Variants in CTTNBP2NL observed in about 807,000 individuals in gnomAD.
CTTNBP2NL encodes CTTNBP2 N-terminal-like protein.
In CTTNBP2NL, 16 loss-of-function variants were observed where a neutral mutation model predicts 32.5. The observed-to-expected ratio is 0.49, with a 90% CI of 0.33 to 0.75. The LOEUF is 0.75. Among genes scored for constraint, CTTNBP2NL ranks in the 30% least tolerant of loss-of-function variants. CTTNBP2NL has a pLI of 0.02. For synonymous variants in CTTNBP2NL, 298 were observed against 289.4 expected (o/e 1.03, Z -0.30); for missense variants, 645 against 756.0 (o/e 0.85, Z 1.72).
chr1:112,456,360 T>C lies in CTTNBP2NL; in HGVS notation c.868T>C (p.Leu290=), dbSNP rs772857096. 4 of 1,613,816 alleles carry C rather than the reference T, an allele frequency of 2.5e-6. No individual in the cohort carries two copies. Among genetic ancestry groups the C allele is most frequent in the South Asian group, 1.1e-5 (1 of 91,078 alleles). ...CCAGCACAGTAGCCCTAATGAGCAA[T>C]TGAAGAAACCAGTAACCGTGTCCAA... ...SHQHSSPNEQ[L]KKPVTVSKGT... The change falls in exon 6 of 6, where the codon TTG becomes CTG. Residue 290 remains leucine, a synonymous_variant. Coordinates refer to ENST00000271277, the MANE Select transcript of CTTNBP2NL (RefSeq NM_018704.3).
chr1:112,427,822 G>A (rs1350641172), intron 3 of CTTNBP2NL, among the ~76,000 whole-genome samples: 2 of 151,576 alleles, frequency 1.3e-5, no homozygotes. Context: ...CTTGAACCCA[G>A]GAGGCAGAGG....
At chr1:112,409,068 C>T (rs538418557) in intron 1 of CTTNBP2NL, among the ~76,000 whole-genome samples, 2 of 144,312 alleles carry the variant, frequency 1.4e-5, no homozygotes, top group Non-Finnish European at 3.0e-5. Flanking sequence ...GCAGAGGTTG[C>T]AGTGAGCCAA....
intron 4 of CTTNBP2NL, among the ~76,000 whole-genome samples, chr1:112,453,516 C>A (rs1040254407): frequency 1.3e-5 from 2 of 152,076 alleles, no homozygotes; most frequent in Non-Finnish European, 2.9e-5. Context: ...TTTTGGGAGG[C>A]TGAGGCGGGT....
At chr1:112,451,259 C>T (rs558751794) in intron 4 of CTTNBP2NL, among the ~76,000 whole-genome samples, 24 of 151,228 alleles carry the variant, frequency 1.6e-4, no homozygotes, top group Admixed American at 7.2e-4. Context: ...TCTTACACCC[C>T]GCCTCCCTTT....
intron 3 of CTTNBP2NL, among the ~76,000 whole-genome samples, chr1:112,425,258 G>A (rs1166162821): frequency 6.6e-6 from 1 of 152,010 alleles, no homozygotes; most frequent in Non-Finnish European, 1.5e-5. Context: ...ATCACCTGAG[G>A]TCAGGAGTTC....
chr1:112,393,324 A>C (rs1042362736), upstream of CTTNBP2NL, among the ~76,000 whole-genome samples: 3 of 152,298 alleles, frequency 2.0e-5, no homozygotes, highest in East Asian at 5.8e-4. Flanking sequence ...CTGCCTCCCC[A>C]AACCAGCAAT....
chr1:112,430,622 C>T (rs1200323550), intron 3 of CTTNBP2NL, among the ~76,000 whole-genome samples: 4 of 142,186 alleles, frequency 2.8e-5, no homozygotes, highest in Admixed American at 7.5e-5. Flanking sequence ...GACGTGATCT[C>T]GGCTCACTGC....
intron 3 of CTTNBP2NL, among the ~76,000 whole-genome samples, chr1:112,419,926 A>G (rs2780276): frequency 0.025 from 3,748 of 152,306 alleles, 124 homozygotes; most frequent in African/African-American, 0.08. Flanking sequence ...GATCATTGAT[A>G]AAGATCACAT....
At chr1:112,410,163 C>T (rs530135796) in intron 1 of CTTNBP2NL, among the ~76,000 whole-genome samples, 25 of 152,084 alleles carry the variant, frequency 1.6e-4, no homozygotes, top group Admixed American at 5.9e-4. Context: ...GAGGCCAAGG[C>T]GGGGGGATCA....
Position 112,425,439 on chromosome 1 carries a change from C to T in CTTNBP2NL, c.99+9175C>T, listed in dbSNP as rs185093792. Among the ~76,000 whole-genome samples, 949 of 152,240 alleles carry T rather than the reference C, an allele frequency of 6.2e-3. 6 individuals are homozygous for T. Among genetic ancestry groups the T allele is most frequent in the African/African-American group, 0.022 (908 of 41,544 alleles). On this transcript the variant is annotated intron_variant, in intron 3 of 5. Coordinates refer to ENST00000271277, the MANE Select transcript of CTTNBP2NL (RefSeq NM_018704.3). The stretch of plus-strand genomic sequence containing the variant: ...TGAGCTGAGATCGCGCCACCGCACT[C>T]CAACCTGGGCAGCAGAGCAAGACTC...
At chr1:112,449,223 A>T (rs1423660411) in intron 4 of CTTNBP2NL, 51 bp downstream of exon 4, 1 of 1,077,426 alleles carries the variant, frequency 9.3e-7, no homozygotes, top group Non-Finnish European at 1.4e-6. Context: ...TTTATAAATT[A>T]TGCCTGATAC....
At chr1:112,409,292 G>A (rs895725635) in intron 1 of CTTNBP2NL, among the ~76,000 whole-genome samples, 10 of 152,114 alleles carry the variant, frequency 6.6e-5, no homozygotes, top group African/African-American at 2.2e-4. Context: ...AAATTTGATA[G>A]CTGAGTATAA....
chr1:112,416,171 T>C lies in CTTNBP2NL; in HGVS notation c.6T>C (p.Asn2=). ...CTTTGTTTCAGGCTTTCAAGATGAA[T>C]CTGGAAAAACTCAGCAAGCCTGAAC... The part of the protein sequence containing the change: M[N]LEKLSKPELL... Residue 2 remains asparagine, a synonymous_variant, in exon 3 of 6, where the codon AAT becomes AAC. Transcript: ENST00000271277. The C allele has an allele frequency of 1.9e-6, 3 of 1,585,854 alleles. No individual in the cohort carries two copies. Among genetic ancestry groups the C allele is most frequent in the Non-Finnish European group, 2.6e-6 (3 of 1,160,664 alleles).
In CTTNBP2NL at chr1:112,448,849, C is replaced by T. The variant is rs76034088; in HGVS notation, c.100-93C>T. 5.6e-6 allele frequency: 4 copies of T among 709,010 alleles called. No individual in the cohort carries two copies. In the East Asian group the frequency reaches 1.0e-4, roughly 18 times the overall value. 43.9% of individuals were successfully genotyped at this position (709,010 alleles called of 1,614,324 possible). ...TTAGTAGGTTACATTTATACTAATA[C>T]CACAACCTTTAATGTATAACCACTG... is the stretch of plus-strand genomic sequence containing the variant. On this transcript the variant is annotated intron_variant, in intron 3 of 5. Transcript: ENST00000271277.
intron 1 of CTTNBP2NL, among the ~76,000 whole-genome samples, chr1:112,407,832 TTTTC>T (rs1648714627): frequency 7.1e-6 from 1 of 141,478 alleles, no homozygotes; most frequent in African/African-American, 2.6e-5. Context: ...CGGCTTTCTT[TTTTC>T]TTTCTTTTTT....
intron 3 of CTTNBP2NL, among the ~76,000 whole-genome samples, chr1:112,444,506 G>T (rs986319732): frequency 1.9e-4 from 29 of 152,154 alleles, no homozygotes; most frequent in African/African-American, 7.0e-4. Flanking sequence ...GTGTGCTCTG[G>T]CTGCTGTGAT....
At position 112,446,066 on chromosome 1, in the gene CTTNBP2NL, C is replaced by T. The variant is rs186794329; in HGVS notation, c.100-2876C>T. Among the ~76,000 whole-genome samples, 400 of 152,286 alleles carry T rather than the reference C, an allele frequency of 2.6e-3. 1 individual carries two copies. The highest frequency in any genetic ancestry group is 3.6e-3 in the Non-Finnish European group (247 of 68,030). ...TATTCCTTTACCATCACTAACCATA[C>T]TGAAATGGCTATCATGAATAAGAAA... On this transcript the variant is annotated intron_variant, in intron 3 of 5. Transcript: ENST00000271277.
chr1:112,430,054 A>G (rs1307646951), intron 3 of CTTNBP2NL, among the ~76,000 whole-genome samples: 5 of 152,190 alleles, frequency 3.3e-5, no homozygotes, highest in Admixed American at 3.3e-4. Context: ...CATATGTGTT[A>G]GTTGTTCATA....
intron 2 of CTTNBP2NL, chr1:112,415,952 A>C: frequency 2.1e-6 from 1 of 475,366 alleles, no homozygotes; most frequent in Non-Finnish European, 3.7e-6. Flanking sequence ...GTGGTAGTGA[A>C]ATCAATAATT....
Sources: gnomAD v4.1 joint callset for allele counts (sites outside exome capture counted in the v4.1 genomes callset) on GRCh38, gnomAD v4.1.1 for gene constraint, MANE v1.5 for transcripts, NCBI Gene and HGNC (gene_info 2026-07-23, HGNC 2026-07-21) for gene names.